MEMO1: variants seen among roughly 807,000 people sequenced by gnomAD.
MEMO1 encodes protein MEMO1.
Under a neutral mutation model 45.2 loss-of-function variants are expected in MEMO1, and 6 were observed. That is an observed-to-expected ratio of 0.13 (90% CI 0.07 to 0.26). The LOEUF (loss-of-function observed/expected upper bound fraction) is 0.26. Among genes scored for constraint, MEMO1 ranks in the 10% least tolerant of loss-of-function variants. MEMO1 has a pLI of 1.00. For synonymous variants in MEMO1, 78 were observed against 124.3 expected, an observed-to-expected ratio of 0.63 and a Z score of 2.48; for missense variants, 184 against 370.5, an observed-to-expected ratio of 0.50 and a Z score of 4.13.
chr2:31,955,043 C>A (rs1292216860), intron 2 of MEMO1, among the ~76,000 whole-genome samples: 1 of 151,866 alleles, frequency 6.6e-6, no homozygotes, highest in African/African-American at 2.4e-5. Context: ...GAGTTCAAGA[C>A]CAGCCTGGGC....
chr2:32,008,499 G>A (rs1417113193), intron 2 of MEMO1, among the ~76,000 whole-genome samples: 1 of 152,100 alleles, frequency 6.6e-6, no homozygotes, highest in African/African-American at 2.4e-5. Context: ...CAGGAGAATC[G>A]CTTGAACCCA....
At chr2:31,962,736 A>G (rs971075663) in intron 2 of MEMO1, among the ~76,000 whole-genome samples, 1 of 152,222 alleles carries the variant, frequency 6.6e-6, no homozygotes, top group Non-Finnish European at 1.5e-5. Context: ...ACTGACAACA[A>G]TATTTAGGGC....
At chr2:31,985,684 T>C (rs1299489124) in intron 2 of MEMO1, among the ~76,000 whole-genome samples, 1 of 152,216 alleles carries the variant, frequency 6.6e-6, no homozygotes, top group Non-Finnish European at 1.5e-5. Context: ...CTTTTAACAA[T>C]TGTTTAGAAT....
chr2:31,920,281 T>C (rs575248636), intron 5 of MEMO1, among the ~76,000 whole-genome samples: 1 of 151,850 alleles, frequency 6.6e-6, no homozygotes, highest in East Asian at 1.9e-4. Context: ...AAAAAATAAA[T>C]CAACCAAAAT....
At chr2:31,974,726 T>A (rs944773285) in intron 2 of MEMO1, among the ~76,000 whole-genome samples, 1 of 150,962 alleles carries the variant, frequency 6.6e-6, no homozygotes, top group Non-Finnish European at 1.5e-5. Flanking sequence ...GATTGCGCCA[T>A]TGCACTTCAG....
chr2:31,940,115 A>G (rs1274556102), intron 3 of MEMO1, among the ~76,000 whole-genome samples: 2 of 151,308 alleles, frequency 1.3e-5, no homozygotes, highest in Non-Finnish European at 2.9e-5. Context: ...TTCCTCACTT[A>G]TTCTCCCTTC....
intron 1 of MEMO1, among the ~76,000 whole-genome samples, 177 bp downstream of exon 1, chr2:32,010,765 T>A (rs1018459142): frequency 7.4e-6 from 1 of 135,372 alleles, no homozygotes; most frequent in Non-Finnish European, 1.6e-5. Flanking sequence ...CCCGCCCCGC[T>A]CCTCCTCCCG....
chr2:32,001,891 C>T (rs1673358608), intron 2 of MEMO1, among the ~76,000 whole-genome samples: 1 of 151,846 alleles, frequency 6.6e-6, no homozygotes, highest in Non-Finnish European at 1.5e-5. Flanking sequence ...CTCACACCTG[C>T]AATCCCAGCG....
chr2:31,944,629 A>G (rs1308984575), intron 2 of MEMO1, among the ~76,000 whole-genome samples: 1 of 152,090 alleles, frequency 6.6e-6, no homozygotes, highest in African/African-American at 2.4e-5. Flanking sequence ...TTTCTCAAGG[A>G]TTCTGCTCCC....
chr2:31,976,148 G>C (rs1669976543), intron 2 of MEMO1, among the ~76,000 whole-genome samples: 1 of 152,148 alleles, frequency 6.6e-6, no homozygotes, highest in South Asian at 2.1e-4. Context: ...GTATCAAATG[G>C]GGAAGCAAAT....
chr2:31,998,428 T>C lies in MEMO1; in HGVS notation c.61+11759A>G, dbSNP rs148997882. Among the ~76,000 whole-genome samples the C allele has an allele frequency of 4.6e-3, 705 of 152,304 alleles. 1 individual carries two copies. The highest frequency in any genetic ancestry group is 7.7e-3 in the Non-Finnish European group (525 of 68,024). Reference sequence around the variant, plus strand: ...CCCCCAACCTCTTCATGTTGGAATGTTCTAAGGCTTGGTCACTGAACCTCT... The same window carrying C: ...CCCCCAACCTCTTCATGTTGGAATGCTCTAAGGCTTGGTCACTGAACCTCT... On this transcript the variant is annotated intron_variant, in intron 2 of 9. Transcript: ENST00000404530.
chr2:31,900,125 T>A (rs1445368884), intron 6 of MEMO1, among the ~76,000 whole-genome samples: 2 of 152,240 alleles, frequency 1.3e-5, no homozygotes, highest in Non-Finnish European at 2.9e-5. Flanking sequence ...AGTGTGGCGA[T>A]TCCTCAAGGA....
chr2:31,904,188 G>C (rs1679312526), intron 6 of MEMO1, among the ~76,000 whole-genome samples: 1 of 152,220 alleles, frequency 6.6e-6, no homozygotes, highest in African/African-American at 2.4e-5. Flanking sequence ...AGAAGGGCCT[G>C]TTTGTAAGAC....
chr2:31,902,032 G>A (rs1402093512), intron 6 of MEMO1, among the ~76,000 whole-genome samples: 5 of 152,078 alleles, frequency 3.3e-5, no homozygotes, highest in African/African-American at 1.2e-4. Flanking sequence ...CCAGCTACTC[G>A]GGAAGCTGAG....
intron 2 of MEMO1, among the ~76,000 whole-genome samples, chr2:31,969,999 T>C (rs1438337565): frequency 6.6e-6 from 1 of 150,518 alleles, no homozygotes; most frequent in Non-Finnish European, 1.5e-5. Flanking sequence ...GGGGACAGAA[T>C]CTTGCTCTCT....
intron 3 of MEMO1, among the ~76,000 whole-genome samples, chr2:31,938,564 C>T (rs957815820): frequency 6.6e-6 from 1 of 151,806 alleles, no homozygotes; most frequent in Admixed American, 6.6e-5. Flanking sequence ...AGGAGAATGG[C>T]GTGAACCCGG....
chr2:31,916,641 TACA>T (rs1002062278), intron 6 of MEMO1, among the ~76,000 whole-genome samples: 1 of 152,192 alleles, frequency 6.6e-6, no homozygotes, highest in African/African-American at 2.4e-5. Context: ...AAGTTCTGAT[TACA>T]ACAACAATTC....
chr2:31,944,353 G>A (rs867912368), intron 2 of MEMO1, among the ~76,000 whole-genome samples: 59 of 152,134 alleles, frequency 3.9e-4, no homozygotes, highest in Admixed American at 1.6e-3. Context: ...ATCACTTCCA[G>A]AAGATAATGA....
chr2:31,885,531 T>C (rs1248957215), intron 7 of MEMO1, among the ~76,000 whole-genome samples: 1 of 152,244 alleles, frequency 6.6e-6, no homozygotes, highest in African/African-American at 2.4e-5. Flanking sequence ...AAATTTTTAC[T>C]TCTATTTCAA....
Sources: allele counts gnomAD v4.1 joint callset (sites outside exome capture counted in the v4.1 genomes callset), GRCh38; gene constraint gnomAD v4.1.1; transcripts MANE v1.5; gene names NCBI Gene and HGNC (gene_info 2026-07-23, HGNC 2026-07-21).